The following RSC1A1 variants were observed in gnomAD, a reference collection of about 807,000 sequenced individuals.
RSC1A1 encodes the protein regulator of solute carriers 1.
RSC1A1 carries 6 observed loss-of-function variants against 7.7 expected under a neutral mutation model. The observed-to-expected ratio is 0.78, with a 90% CI of 0.43 to 1.53. The LOEUF is 1.53. RSC1A1 is among the 40% of genes most tolerant of loss of function. The pLI, the probability that RSC1A1 is intolerant of heterozygous loss-of-function variation, is 0.01. For synonymous variants in RSC1A1, 250 were observed against 263.0 expected (o/e 0.95, Z 0.48); for missense variants, 729 against 726.3 (o/e 1.00, Z -0.04).
In RSC1A1 at chr1:15,661,699, A is replaced by G. The variant is rs768808498; in HGVS notation, c.1831A>G (p.Lys611Glu). 26 of 1,612,050 alleles carry G rather than the reference A, an allele frequency of 1.6e-5. No homozygotes were observed. Among genetic ancestry groups the G allele is most frequent in the Admixed American group, 6.7e-5 (4 of 59,886 alleles). The change falls in exon 1 of 1, where the codon AAA becomes GAA. Residue 611 changes from lysine (K) to glutamate (E), a missense_variant. Coordinates refer to ENST00000345034, the MANE Select transcript of RSC1A1 (RefSeq NM_006511.3). ...CCTTGCACTTCTTGTTTTGCTCGCA[A>G]AAAACATCGTAGTTCCTACATGACT... The part of the protein sequence containing the change: ...ADLALLVLLA[K>E]NIVVPT
chr1:15,660,107 A>AT, the RSC1A1 span: 4 of 1,614,170 alleles, frequency 2.5e-6, no homozygotes, highest in East Asian at 2.2e-5. Context: ...CTTTCTGATC[A>AT]TGCTTCCTCA....
rs1640348668 is a variant in RSC1A1, at chr1:15,660,410, A to G, written c.542A>G (p.Gln181Arg). The G allele has an allele frequency of 6.2e-7, 1 of 1,613,990 alleles. No homozygotes were observed. The highest frequency in any genetic ancestry group is 1.3e-5 in the African/African-American group (1 of 75,028). Reference sequence around the variant, plus strand: ...AATGAACAGTATGAGGTTGCACAACAAAAAGCTTCACATGACCAAGAATAT... The same window carrying G: ...AATGAACAGTATGAGGTTGCACAACGAAAAGCTTCACATGACCAAGAATAT... ...PGNEQYEVAQ[Q>R]KASHDQEYLC... Residue 181 changes from glutamine to arginine, a missense_variant, in exon 1 of 1, where the codon CAA becomes CGA. Coordinates refer to ENST00000345034, the MANE Select transcript of RSC1A1 (RefSeq NM_006511.3).
In RSC1A1 at chr1:15,660,857, C is replaced by T; in HGVS notation, c.989C>T (p.Ser330Phe). 6.2e-7 allele frequency: 1 copy of T among 1,614,192 alleles called. No individual in the cohort carries two copies. Among genetic ancestry groups the T allele is most frequent in the Non-Finnish European group, 8.5e-7 (1 of 1,180,026 alleles). The change falls in exon 1 of 1, where the codon TCC becomes TTC. Residue 330 changes from serine to phenylalanine, a missense_variant. Physicochemically the swap from Ser to Phe is radical, Grantham distance 155. Coordinates refer to ENST00000345034, the MANE Select transcript of RSC1A1 (RefSeq NM_006511.3). The stretch of plus-strand genomic sequence containing the variant: ...ACAAATAAAGAATATGGCCATTACT[C>T]CTCTCCAAGTCTCTGTGGCAGTTGT... ...PGTNKEYGHY[S>F]SPSLCGSCQP...
In RSC1A1 at chr1:15,660,171, C is replaced by A. The variant is rs753063594; in HGVS notation, c.303C>A (p.Ser101=). ...QSPAMPMQNS[S]EEITVAGNLE... is the part of the protein sequence containing the mutation. ...CAGCTATGCCTATGCAGAATTCATC[C>A]GAAGAAATAACTGTTGCAGGTAATC... is the stretch of plus-strand genomic sequence containing the variant. The change falls in exon 1 of 1, where the codon TCC becomes TCA. Residue 101 remains serine, a synonymous_variant. Transcript: ENST00000345034. The A allele has an allele frequency of 6.2e-7, 1 of 1,614,172 alleles. No individual in the cohort carries two copies. Among genetic ancestry groups the A allele is most frequent in the South Asian group, 1.1e-5 (1 of 91,084 alleles).
Position 15,660,656 on chromosome 1 carries a change from A to G in RSC1A1, c.788A>G (p.Asn263Ser), listed in dbSNP as rs1180543934. 6.2e-7 allele frequency: 1 copy of G among 1,614,234 alleles called. No homozygotes were observed. The highest frequency in any genetic ancestry group is 1.7e-5 in the Admixed American group (1 of 60,032). ...TAQQSLVTLL[N>S]STGRQNANVK... is the part of the protein sequence containing the mutation. ...CAACAGTCCCTAGTTACTTTGCTTA[A>G]TTCAACAGGCAGGCAGAATGCCAAT... is the stretch of plus-strand genomic sequence containing the variant. Residue 263 changes from asparagine to serine, a missense_variant, in exon 1 of 1, where the codon AAT (asparagine) becomes AGT (serine). Physicochemically the swap from Asn to Ser is conservative, Grantham distance 46. Coordinates refer to ENST00000345034, the MANE Select transcript of RSC1A1 (RefSeq NM_006511.3).
Position 15,661,012 on chromosome 1 carries a change from T to C in RSC1A1, c.1144T>C (p.Ser382Pro). 6.2e-7 allele frequency: 1 copy of C among 1,614,062 alleles called. No individual in the cohort carries two copies. The highest frequency in any genetic ancestry group is 1.7e-5 in the Admixed American group (1 of 59,992). Residue 382 changes from serine to proline, a missense_variant, in exon 1 of 1, where the codon TCA becomes CCA. Transcript: ENST00000345034. ...ENTSEEVICQ[S>P]ETIAEGQTSI... Reference sequence around the variant, plus strand: ...TACATCTGAAGAAGTAATCTGTCAATCAGAAACCATAGCTGAGGGCCAAAC... The same window carrying C: ...TACATCTGAAGAAGTAATCTGTCAACCAGAAACCATAGCTGAGGGCCAAAC...
Position 15,660,860 on chromosome 1 carries a change from C to T in RSC1A1, c.992C>T (p.Ser331Phe). The change falls in exon 1 of 1, where the codon TCT (serine) becomes TTT (phenylalanine). Residue 331 changes from serine to phenylalanine, a missense_variant. Coordinates refer to ENST00000345034, the MANE Select transcript of RSC1A1 (RefSeq NM_006511.3). ...GTNKEYGHYS[S>F]PSLCGSCQPS... ...AATAAAGAATATGGCCATTACTCCT[C>T]TCCAAGTCTCTGTGGCAGTTGTCAG... is the stretch of plus-strand genomic sequence containing the variant. 1.2e-6 allele frequency: 2 copies of T among 1,614,190 alleles called. No individual in the cohort carries two copies. Among genetic ancestry groups the T allele is most frequent in the Non-Finnish European group, 1.7e-6 (2 of 1,180,042 alleles).
chr1:15,661,792 A>G lies in RSC1A1; in HGVS notation c.*70A>G. On this transcript the variant is annotated 3_prime_UTR_variant, in exon 1 of 1. Transcript: ENST00000345034. The stretch of plus-strand genomic sequence containing the variant: ...AAGAAAGCTCTCTCTATATACACGC[A>G]CACATACACACTCACCACATATACA... 1.3e-6 allele frequency: 2 copies of G among 1,491,862 alleles called. No individual in the cohort carries two copies. Among genetic ancestry groups the G allele is most frequent in the South Asian group, 1.4e-5 (1 of 72,374 alleles). The allele number at this position is 1,491,862 out of a possible 1,614,324, so 92.4% of individuals were successfully genotyped here.
Position 15,660,922 on chromosome 1 carries a change from A to G in RSC1A1, c.1054A>G (p.Ile352Val), listed in dbSNP as rs373325289. 2.7e-5 allele frequency: 43 copies of G among 1,613,596 alleles called. No homozygotes were observed. The African/African-American group carries it at 2.8e-4, about 11-fold the overall frequency. ...GTCAGCAGAAGAATCTTGCCCGTCT[A>G]TAACGGCAGCCTTGAAAGAACTTCA... ...VESAEESCPS[I>V]TAALKELHEL... Residue 352 changes from isoleucine (I) to valine (V), a missense_variant, in exon 1 of 1, where the codon ATA becomes GTA. By Grantham distance (29) the Ile-to-Val change is conservative. Transcript: ENST00000345034.
In RSC1A1 at chr1:15,661,102, C is replaced by A; in HGVS notation, c.1234C>A (p.Pro412Thr). The stretch of plus-strand genomic sequence containing the variant: ...GCATCTTACCCAGAATGAACAGTGT[C>A]CACAAGTCTCCTTTCATCAGGCCAT... ...NEHLTQNEQC[P>T]QVSFHQAISV... Residue 412 changes from proline (P) to threonine (T), a missense_variant, in exon 1 of 1, where the codon CCA becomes ACA. Transcript: ENST00000345034. 6.2e-7 allele frequency: 1 copy of A among 1,613,846 alleles called. No individual in the cohort carries two copies. The highest frequency in any genetic ancestry group is 1.1e-5 in the South Asian group (1 of 91,008).
chr1:15,660,357 T>C lies in RSC1A1; in HGVS notation c.489T>C (p.Ser163=), dbSNP rs762006822. The change falls in exon 1 of 1, where the codon AGT becomes AGC. Residue 163 remains serine, a synonymous_variant. Coordinates refer to ENST00000345034, the MANE Select transcript of RSC1A1 (RefSeq NM_006511.3). ...HPENQNLSQV[S]DPQQHEEPGN... ...AAAATCAGAACCTGAGTCAAGTGAG[T>C]GACCCTCAGCAGCACGAAGAACCAG... The C allele has an allele frequency of 2.5e-6, 4 of 1,614,004 alleles. No individual in the cohort carries two copies. The Admixed American group carries it at 5.0e-5, about 20-fold the overall frequency.
chr1:15,660,615 G>A lies in RSC1A1; in HGVS notation c.747G>A (p.Met249Ile). 1.2e-6 allele frequency: 2 copies of A among 1,614,106 alleles called. No homozygotes were observed. The highest frequency in any genetic ancestry group is 2.2e-5 in the East Asian group (1 of 44,890). The change falls in exon 1 of 1, where the codon ATG (methionine) becomes ATA (isoleucine). Residue 249 changes from methionine to isoleucine, a missense_variant. Coordinates refer to ENST00000345034, the MANE Select transcript of RSC1A1 (RefSeq NM_006511.3). ...GCTGCTCAAATTCAGAAACATTTAT[G>A]GAAATCGATACAGCTCAACAGTCCC... ...CSGCSNSETF[M>I]EIDTAQQSLV...
chr1:15,660,457 G>A lies in RSC1A1; in HGVS notation c.589G>A (p.Glu197Lys), dbSNP rs1418324937. 4.3e-6 allele frequency: 7 copies of A among 1,614,162 alleles called. No individual in the cohort carries two copies. The highest frequency in any genetic ancestry group is 1.7e-5 in the Admixed American group (1 of 60,014). Residue 197 changes from glutamate (E) to lysine (K), a missense_variant, in exon 1 of 1, where the codon GAG (glutamate) becomes AAG (lysine). Transcript: ENST00000345034. ...ATATCTTTGTAACATAGGGGACCTT[G>A]AGCTTCCTGAAGAAAGGCAACAGAA... ...QEYLCNIGDLELPEERQQNQH... is the reference protein window; with the variant it reads ...QEYLCNIGDLKLPEERQQNQH...
Position 15,660,800 on chromosome 1 carries a change from A to G in RSC1A1, c.932A>G (p.Gln311Arg), listed in dbSNP as rs1411527841. The G allele has an allele frequency of 1.2e-6, 2 of 1,614,160 alleles. No homozygotes were observed. Among genetic ancestry groups the G allele is most frequent in the South Asian group, 1.1e-5 (1 of 91,072 alleles). The stretch of plus-strand genomic sequence containing the variant: ...GATTCCATTTCCACTCAGGATTTAC[A>G]GCCCCCAGAAACTAATGTTGAAATA... The part of the protein sequence containing the change: ...LNDSISTQDL[Q>R]PPETNVEIPG... The change falls in exon 1 of 1, where the codon CAG (glutamine) becomes CGG (arginine). Residue 311 changes from glutamine (Q) to arginine (R), a missense_variant. Transcript: ENST00000345034.
At position 15,660,891 on chromosome 1, in the gene RSC1A1, T is replaced by C. The variant is rs1327876722; in HGVS notation, c.1023T>C (p.Ser341=). Residue 341 remains serine (S), a synonymous_variant, in exon 1 of 1, where the codon TCT becomes TCC. Transcript: ENST00000345034. Reference sequence around the variant, plus strand: ...GTCTCTGTGGCAGTTGTCAGCCTTCTGTGGAGTCAGCAGAAGAATCTTGCC... The same window carrying C: ...GTCTCTGTGGCAGTTGTCAGCCTTCCGTGGAGTCAGCAGAAGAATCTTGCC... ...SPSLCGSCQP[S]VESAEESCPS... is the part of the protein sequence containing the mutation. 3 of 1,614,122 alleles carry C rather than the reference T, an allele frequency of 1.9e-6. No individual in the cohort carries two copies. The highest frequency in any genetic ancestry group is 3.3e-5 in the Admixed American group (2 of 60,016).
chr1:15,661,857 T>G lies in RSC1A1; in HGVS notation c.*135T>G. 1 of 1,255,954 alleles carries G rather than the reference T, an allele frequency of 8.0e-7. No individual in the cohort carries two copies. The highest frequency in any genetic ancestry group is 1.0e-6 in the Non-Finnish European group (1 of 968,920). The allele number at this position is 1,255,954 out of a possible 1,614,324, so 77.8% of individuals were successfully genotyped here. A position where few individuals can be genotyped will look rare whatever the true frequency, so the allele number is the denominator to read the frequency against. ...CTGCAAGCAGAATGTTGAGCCAGAT[T>G]TTTTTTAAAGATTTTTTTCGGCCAA... On this transcript the variant is annotated 3_prime_UTR_variant, in exon 1 of 1. Transcript: ENST00000345034.
In RSC1A1 at chr1:15,660,939, AGAACTTCAT is replaced by A. The variant is rs1557626070; in HGVS notation, c.1078_1086del (p.His360_Leu362del). 5 of 1,613,340 alleles carry A rather than the reference AGAACTTCAT, an allele frequency of 3.1e-6. No individual in the cohort carries two copies. In the African/African-American group the frequency reaches 5.3e-5, roughly 17 times the overall value. ...GCCCGTCTATAACGGCAGCCTTGAA[AGAACTTCAT>A]GAACTTTTGGTTGTTAGCAGTAAAC... On this transcript the variant is annotated inframe_deletion, in exon 1 of 1. Coordinates refer to ENST00000345034, the MANE Select transcript of RSC1A1 (RefSeq NM_006511.3).
In RSC1A1 at chr1:15,660,444, C is replaced by A. The variant is rs762203361; in HGVS notation, c.576C>A (p.Asn192Lys). ...KASHDQEYLC[N>K]IGDLELPEER... ...CACATGACCAAGAATATCTTTGTAA[C>A]ATAGGGGACCTTGAGCTTCCTGAAG... Residue 192 changes from asparagine to lysine, a missense_variant, in exon 1 of 1, where the codon AAC becomes AAA. By Grantham distance (94) the Asn-to-Lys change is moderately conservative. Coordinates refer to ENST00000345034, the MANE Select transcript of RSC1A1 (RefSeq NM_006511.3). 6.2e-7 allele frequency: 1 copy of A among 1,614,086 alleles called. No individual in the cohort carries two copies.
At chr1:15,659,902 C>CA in the RSC1A1 span, 1 of 1,601,266 alleles carries the variant, frequency 6.2e-7, no homozygotes, top group Non-Finnish European at 8.5e-7. Flanking sequence ...TGGGTTTAAC[C>CA]ATCCCGCCCG....
Sources: allele counts gnomAD v4.1 joint callset, GRCh38; gene constraint gnomAD v4.1.1; transcripts MANE v1.5; gene names NCBI Gene and HGNC (gene_info 2026-07-23, HGNC 2026-07-21).